DLGAP5: variants seen among roughly 807,000 people sequenced by gnomAD.
DLGAP5 encodes the protein DLG associated protein 5, also known as disks large-associated protein 5.
Under a neutral mutation model 99.6 loss-of-function variants are expected in DLGAP5, and 90 were observed. That is an observed-to-expected ratio of 0.90 (90% CI 0.76 to 1.08). The LOEUF is 1.08. DLGAP5 is among the 50% of genes least tolerant of loss of function. The pLI is 0.00. For synonymous variants in DLGAP5, 311 were observed against 321.3 expected, an observed-to-expected ratio of 0.97 and a Z score of 0.34; for missense variants, 1,036 against 983.5, an observed-to-expected ratio of 1.05 and a Z score of -0.71.
At chr14:55,150,686 G>C in intron 18 of DLGAP5, 113 bp downstream of exon 18, 1 of 805,704 alleles carries the variant, frequency 1.2e-6, no homozygotes, top group Non-Finnish European at 1.8e-6. Flanking sequence ...GAGTGAGTAA[G>C]CAAAACAATG....
At chr14:55,179,884 C>T (rs923272773) in intron 6 of DLGAP5, among the ~76,000 whole-genome samples, 185 bp from the exon 7 acceptor site, 3 of 152,016 alleles carry the variant, frequency 2.0e-5, no homozygotes, top group Non-Finnish European at 4.4e-5. Context: ...TTTTCAAAAC[C>T]AGAGTGTTTT....
In DLGAP5 at chr14:55,155,339, CT is replaced by C. The variant is rs373897179; in HGVS notation, c.1874-534del. 9.0e-3 allele frequency among the ~76,000 whole-genome samples: 1,305 copies of C among 144,842 alleles called. 16 individuals carry two copies. Among genetic ancestry groups the C allele is most frequent in the African/African-American group, 0.032 (1,261 of 39,434 alleles). On this transcript the variant is annotated intron_variant, in intron 14 of 18. Transcript: ENST00000247191. ...TGCGCCAGGCCTGAACAGAGATAAC[CT>C]TTTTTTTTGTTTTTGTTTTTTTAGA...
chr14:55,169,317 A>G (rs1019646196), intron 12 of DLGAP5, 82 bp downstream of exon 12: 3 of 977,920 alleles, frequency 3.1e-6, no homozygotes, highest in Admixed American at 3.1e-5. Context: ...AGCAGCTACT[A>G]TTACCCCATT....
At chr14:55,187,864 G>A (rs1467265077) in intron 2 of DLGAP5, among the ~76,000 whole-genome samples, 1 of 152,148 alleles carries the variant, frequency 6.6e-6, no homozygotes, top group African/African-American at 2.4e-5. Context: ...AAAAGCCAAT[G>A]TCCTTATAAT....
At chr14:55,158,825 AAATTT>A (rs967624560) in intron 13 of DLGAP5, 84 bp from the exon 14 acceptor site, 1 of 947,866 alleles carries the variant, frequency 1.1e-6, no homozygotes. Context: ...CATCACTTAA[AAATTT>A]AATTTTTAAA....
In DLGAP5 at chr14:55,169,339, A is replaced by G. The variant is rs563610959; in HGVS notation, c.1548+60T>C. The G allele has an allele frequency of 1.6e-3, 1,631 of 1,030,994 alleles. 3 individuals carry two copies. Among genetic ancestry groups the G allele is most frequent in the Non-Finnish European group, 1.6e-3 (1,251 of 772,196 alleles). 63.9% of individuals were successfully genotyped at this position (1,030,994 alleles called of 1,614,324 possible). A position where few individuals can be genotyped will look rare whatever the true frequency, so the allele number is the denominator to read the frequency against. On this transcript the variant is annotated intron_variant, in intron 12 of 18. Coordinates refer to ENST00000247191, the MANE Select transcript of DLGAP5 (RefSeq NM_014750.5). ...ACTATTACCCCATTTTACTCCTGCT[A>G]CTTAAAAAAAAAAAAAAAAAAGCCC...
At chr14:55,168,514 TC>T (rs1325396174) in intron 12 of DLGAP5, among the ~76,000 whole-genome samples, 1 of 152,198 alleles carries the variant, frequency 6.6e-6, no homozygotes, top group Non-Finnish European at 1.5e-5. Flanking sequence ...GGCTGTTGGT[TC>T]TTGAAATGCT....
chr14:55,188,750 GAC>G (rs1052101847), intron 2 of DLGAP5, among the ~76,000 whole-genome samples, 190 bp downstream of exon 2: 3 of 141,546 alleles, frequency 2.1e-5, no homozygotes, highest in East Asian at 2.1e-4. Context: ...CCGCCTGGGT[GAC>G]ACAGTGAGAC....
At chr14:55,171,392 C>T (rs1882853872) in intron 10 of DLGAP5, among the ~76,000 whole-genome samples, 1 of 152,060 alleles carries the variant, frequency 6.6e-6, no homozygotes, top group African/African-American at 2.4e-5. Context: ...ATACCCACAA[C>T]AAGTATACAA....
Position 55,151,760 on chromosome 14 carries a change from G to C in DLGAP5, c.2303C>G (p.Pro768Arg). Residue 768 changes from proline (P) to arginine (R), a missense_variant, in exon 17 of 19, where the codon CCT (proline) becomes CGT (arginine). Physicochemically the swap from Pro to Arg is moderately radical, Grantham distance 103. Coordinates refer to ENST00000247191, the MANE Select transcript of DLGAP5 (RefSeq NM_014750.5). ...ATTTTGTGAAGCTGTATTTTTTTCA[G>C]GGCTACTCATCAAAACATCCTGTGA... ...ITSQDVLMSS[P>R]EKNTASQNSI... is the part of the protein sequence containing the mutation. The C allele has an allele frequency of 6.2e-7, 1 of 1,613,438 alleles. No individual in the cohort carries two copies. Among genetic ancestry groups the C allele is most frequent in the African/African-American group, 1.3e-5 (1 of 74,892 alleles).
chr14:55,156,299 C>A (rs1882214686), intron 14 of DLGAP5, among the ~76,000 whole-genome samples: 1 of 152,142 alleles, frequency 6.6e-6, no homozygotes, highest in Non-Finnish European at 1.5e-5. Flanking sequence ...CCACCCCCAT[C>A]ACCAAAAACA....
rs1256531075 is a variant in DLGAP5 at position 55,154,800 on chromosome 14, G to A, written c.1880C>T (p.Ser627Phe). ...ESPVKLFSGLSVSSEGPSQRL... is the reference protein window; with the variant it reads ...ESPVKLFSGLFVSSEGPSQRL... ...TTGAGAAGGGCCTTCAGAAGAGACA[G>A]AAAGTCCTAGAAGATGAGAGAAATC... Residue 627 changes from serine (S) to phenylalanine (F), a missense_variant, in exon 15 of 19, where the codon TCT becomes TTT. Physicochemically the swap from Ser to Phe is radical, Grantham distance 155 (BLOSUM62 -2). Transcript: ENST00000247191. The A allele has an allele frequency of 1.9e-6, 3 of 1,613,528 alleles. No individual in the cohort carries two copies. Among genetic ancestry groups the A allele is most frequent in the African/African-American group, 2.7e-5 (2 of 74,896 alleles).
rs142873440 is a variant in DLGAP5 at position 55,154,639 on chromosome 14, A to T, written c.2041T>A (p.Phe681Ile). The part of the protein sequence containing the change: ...TKSEHVKKTL[F>I]LSIPESRSSI... Reference sequence around the variant, plus strand: ...TACCTGCTTTCAGGAATACTCAAAAACAAAGTCTTCTTCACATGTTCACTT... The same window carrying T: ...TACCTGCTTTCAGGAATACTCAAAATCAAAGTCTTCTTCACATGTTCACTT... Residue 681 changes from phenylalanine (F) to isoleucine (I), a missense_variant, in exon 15 of 19, where the codon TTT (phenylalanine) becomes ATT (isoleucine). By Grantham distance (21) the Phe-to-Ile change is conservative. Transcript: ENST00000247191. The T allele has an allele frequency of 1.7e-3, 2,742 of 1,614,088 alleles. 1 individual carries two copies. Among genetic ancestry groups the T allele is most frequent in the Non-Finnish European group, 2.0e-3 (2,410 of 1,179,964 alleles).
chr14:55,182,202 T>C (rs925717098), intron 4 of DLGAP5, among the ~76,000 whole-genome samples, 168 bp downstream of exon 4: 9 of 152,188 alleles, frequency 5.9e-5, no homozygotes, highest in African/African-American at 1.9e-4. Context: ...GCAAATATTT[T>C]AAGTGAAATT....
chr14:55,155,912 C>G (rs1324219491), intron 14 of DLGAP5, among the ~76,000 whole-genome samples: 1 of 151,458 alleles, frequency 6.6e-6, no homozygotes, highest in Non-Finnish European at 1.5e-5. Context: ...CATGGTAAAA[C>G]CCCGTCTCTA....
rs778114777 is a variant in DLGAP5 at position 55,151,791 on chromosome 14, T to G, written c.2272A>C (p.Ile758Leu). 1 of 1,613,898 alleles carries G rather than the reference T, an allele frequency of 6.2e-7. No individual in the cohort carries two copies. The highest frequency in any genetic ancestry group is 8.5e-7 in the Non-Finnish European group (1 of 1,179,962). Residue 758 changes from isoleucine to leucine, a missense_variant, in exon 17 of 19, where the codon ATT (isoleucine) becomes CTT (leucine). Coordinates refer to ENST00000247191, the MANE Select transcript of DLGAP5 (RefSeq NM_014750.5). ...CTCATCAAAACATCCTGTGATGTAATTGAAGAATTCAGTTCCATTCCTTCC... is the reference window on the plus strand; with the variant it reads ...CTCATCAAAACATCCTGTGATGTAAGTGAAGAATTCAGTTCCATTCCTTCC... ...VVEGMELNSS[I>L]TSQDVLMSSP...
chr14:55,174,862 TAC>T (rs1883002299), intron 10 of DLGAP5, among the ~76,000 whole-genome samples: 1 of 152,252 alleles, frequency 6.6e-6, no homozygotes, highest in East Asian at 1.9e-4. Flanking sequence ...GGATAATTTT[TAC>T]AGTTTTAGTA....
chr14:55,175,979 T>C lies in DLGAP5; in HGVS notation c.1089A>G (p.Lys363=). The C allele has an allele frequency of 6.2e-7, 1 of 1,609,100 alleles. No individual in the cohort carries two copies. ...SQATKEILAQ[K]CKTYSTKTIQ... ...TTGTCTTGGTAGAGTAAGTTTTACA[T>C]TTTTGTGCCAAAATTTCTTTTGTTG... Residue 363 remains lysine, a synonymous_variant, in exon 9 of 19, where the codon AAA becomes AAG. Transcript: ENST00000247191.
intron 10 of DLGAP5, among the ~76,000 whole-genome samples, chr14:55,172,472 TA>T (rs1452780907): frequency 1.3e-5 from 2 of 152,152 alleles, no homozygotes; most frequent in African/African-American, 4.8e-5. Flanking sequence ...TCTTTATTTT[TA>T]TTTTTTTTAA....
Sources: allele counts gnomAD v4.1 joint callset (sites outside exome capture counted in the v4.1 genomes callset), GRCh38; gene constraint gnomAD v4.1.1; transcripts MANE v1.5; gene names NCBI Gene and HGNC (gene_info 2026-07-23, HGNC 2026-07-21).